The following ACAP2 variants were observed in gnomAD, a reference collection of about 807,000 sequenced individuals.
The protein encoded by ACAP2 is ArfGAP with coiled-coil, ankyrin repeat and PH domains 2, also known as arf-GAP with coiled-coil, ANK repeat and PH domain-containing protein 2.
In ACAP2, 39 loss-of-function variants were observed where a neutral mutation model predicts 115.8. That is an observed-to-expected ratio of 0.34 (90% CI 0.26 to 0.44). ACAP2 has a LOEUF of 0.44. Among genes scored for constraint, ACAP2 ranks in the 20% least tolerant of loss-of-function variants. ACAP2 has a pLI of 1.00. For missense variants in ACAP2, 662 were observed against 927.6 expected (o/e 0.71, Z 3.72); for synonymous variants, 289 against 315.8 (o/e 0.92, Z 0.90).
intron 1 of ACAP2, among the ~76,000 whole-genome samples, chr3:195,436,564 T>C (rs1334759975): frequency 6.6e-6 from 1 of 152,210 alleles, no homozygotes; most frequent in Non-Finnish European, 1.5e-5. Flanking sequence ...ATTTATGTCC[T>C]TAAATCTAAA....
intron 1 of ACAP2, among the ~76,000 whole-genome samples, chr3:195,442,489 G>C (rs1716085528): frequency 6.6e-6 from 1 of 152,242 alleles, no homozygotes; most frequent in Non-Finnish European, 1.5e-5. Flanking sequence ...CGGGACTTCG[G>C]GAGCGCGGCT....
chr3:195,306,611 C>A lies in ACAP2; in HGVS notation c.1016G>T (p.Cys339Phe). ...CTTTTCGGAATCTGCCTGGAGCATG[C>A]AACTTCTAAAAGGAAATAACATATT... ...CFEVVSPTKSCMLQADSEKLR... is the reference protein window; with the variant it reads ...CFEVVSPTKSFMLQADSEKLR... The change falls in exon 13 of 23, where the codon TGC becomes TTC. Residue 339 changes from cysteine to phenylalanine, a missense_variant. Cys to Phe is a radical substitution (Grantham distance 205). Coordinates refer to ENST00000326793, the MANE Select transcript of ACAP2 (RefSeq NM_012287.6). 1 of 1,610,434 alleles carries A rather than the reference C, an allele frequency of 6.2e-7. No homozygotes were observed. The highest frequency in any genetic ancestry group is 8.5e-7 in the Non-Finnish European group (1 of 1,178,208).
At chr3:195,346,649 T>C (rs1195637518) in intron 4 of ACAP2, among the ~76,000 whole-genome samples, 4 of 152,182 alleles carry the variant, frequency 2.6e-5, no homozygotes, top group Admixed American at 2.6e-4. Context: ...ACATGAAATA[T>C]AACAATCCCA....
intron 9 of ACAP2, among the ~76,000 whole-genome samples, chr3:195,321,878 G>A (rs970839874): frequency 6.6e-5 from 10 of 152,158 alleles, no homozygotes; most frequent in African/African-American, 2.2e-4. Flanking sequence ...CTCCCAAAGT[G>A]CAGGAATTAC....
chr3:195,420,606 G>A (rs1560352923), intron 1 of ACAP2, among the ~76,000 whole-genome samples: 1 of 151,802 alleles, frequency 6.6e-6, no homozygotes, highest in African/African-American at 2.4e-5. Context: ...GCCTCCCAAA[G>A]TGCTGGAATT....
intron 4 of ACAP2, among the ~76,000 whole-genome samples, chr3:195,351,815 T>C (rs1032779231): frequency 3.9e-5 from 6 of 152,210 alleles, no homozygotes; most frequent in East Asian, 1.9e-4. Flanking sequence ...AGAAGATCCA[T>C]AGATGGCAAA....
chr3:195,375,829 A>G lies in ACAP2; in HGVS notation c.285+5180T>C, dbSNP rs184487188. Among the ~76,000 whole-genome samples the G allele has an allele frequency of 2.6e-5, 4 of 152,172 alleles. No homozygotes were observed. The East Asian group carries it at 7.7e-4, about 29-fold the overall frequency. ...TCTCAAAAATGATAGACAGACAACAAAAAGAGTCATACATGTTCATAGAAT... is the reference window on the plus strand; with the variant it reads ...TCTCAAAAATGATAGACAGACAACAGAAAGAGTCATACATGTTCATAGAAT... On this transcript the variant is annotated intron_variant, in intron 4 of 22. Coordinates refer to ENST00000326793, the MANE Select transcript of ACAP2 (RefSeq NM_012287.6).
chr3:195,295,347 G>A, intron 17 of ACAP2: 1 of 1,170,420 alleles, frequency 8.5e-7, no homozygotes, highest in Non-Finnish European at 1.1e-6. Flanking sequence ...CATAAGAAGG[G>A]AAAAGGGCAG....
At chr3:195,373,408 C>T in intron 4 of ACAP2, among the ~76,000 whole-genome samples, 1 of 151,874 alleles carries the variant, frequency 6.6e-6, no homozygotes, top group East Asian at 1.9e-4. Context: ...CAAAGAAATA[C>T]TATGAGAATA....
chr3:195,306,696 T>C (rs567379833), intron 12 of ACAP2, 80 bp from the exon 13 acceptor site: 1 of 1,042,058 alleles, frequency 9.6e-7, no homozygotes, highest in South Asian at 1.6e-5. Context: ...TTTTTTCCAC[T>C]TTGCTATTTA....
Position 195,305,752 on chromosome 3 carries a change from G to A in ACAP2, c.1116+759C>T, listed in dbSNP as rs138878457. 1.8e-4 allele frequency among the ~76,000 whole-genome samples: 27 copies of A among 152,058 alleles called. No homozygotes were observed. The East Asian group carries it at 4.3e-3, about 24-fold the overall frequency. On this transcript the variant is annotated intron_variant, in intron 13 of 22. Coordinates refer to ENST00000326793, the MANE Select transcript of ACAP2 (RefSeq NM_012287.6). The stretch of plus-strand genomic sequence containing the variant: ...TGTACCCAGACAAGTTCACGCAAAC[G>A]TGGCTACTGATCAAATTCCTACTTT...
At chr3:195,409,879 C>CAAAAAAA (rs59779977) in intron 1 of ACAP2, among the ~76,000 whole-genome samples, 3 of 56,980 alleles carry the variant, frequency 5.3e-5, no homozygotes, top group African/African-American at 1.6e-4. Flanking sequence ...GACTCCATCT[C>CAAAAAAA]AAAAAAAAAA....
intron 9 of ACAP2, chr3:195,326,374 G>C (rs1400307189): frequency 6.6e-6 from 1 of 152,250 alleles, no homozygotes; most frequent in African/African-American, 2.4e-5. Context: ...TTCAAAGTAA[G>C]TTTAGCTAGG....
intron 12 of ACAP2, 100 bp downstream of exon 12, chr3:195,307,123 C>T: frequency 1.1e-6 from 1 of 870,562 alleles, no homozygotes. Context: ...TTCTCTTTAG[C>T]ACAGATACAG....
chr3:195,340,362 A>T (rs1436138941), intron 6 of ACAP2, among the ~76,000 whole-genome samples: 1 of 151,976 alleles, frequency 6.6e-6, no homozygotes, highest in Non-Finnish European at 1.5e-5. Context: ...TTTGGAAGAT[A>T]AGAGATTTCA....
chr3:195,293,951 G>A (rs1431416743), intron 18 of ACAP2, among the ~76,000 whole-genome samples: 2 of 151,624 alleles, frequency 1.3e-5, no homozygotes, highest in Non-Finnish European at 2.9e-5. Flanking sequence ...GGCTAACATG[G>A]TGAAACCCCA....
At chr3:195,285,094 C>T (rs868718015) in intron 22 of ACAP2, among the ~76,000 whole-genome samples, 5 of 152,168 alleles carry the variant, frequency 3.3e-5, no homozygotes, top group South Asian at 2.1e-4. Context: ...TAAATACTTC[C>T]GCTTATCTAA....
intron 10 of ACAP2, chr3:195,312,889 C>T (rs1403156617): frequency 1.3e-5 from 2 of 152,052 alleles, no homozygotes; most frequent in African/African-American, 2.4e-5. Flanking sequence ...TGAGCTTTCT[C>T]GTGCCAAAAA....
intron 4 of ACAP2, among the ~76,000 whole-genome samples, chr3:195,358,725 C>T (rs534639925): frequency 6.6e-6 from 1 of 151,798 alleles, no homozygotes; most frequent in Non-Finnish European, 1.5e-5. Context: ...ATCTAGAAAA[C>T]GGCCTCAATA....
Sources: gnomAD v4.1 joint callset for allele counts (sites outside exome capture counted in the v4.1 genomes callset) on GRCh38, gnomAD v4.1.1 for gene constraint, MANE v1.5 for transcripts, NCBI Gene and HGNC (gene_info 2026-07-23, HGNC 2026-07-21) for gene names.